ABCC11: variants seen among roughly 807,000 people sequenced by gnomAD.
ABCC11 encodes ATP-binding cassette sub-family C member 11.
ABCC11 carries 135 observed loss-of-function variants against 149.3 expected under a neutral mutation model. That is an observed-to-expected ratio of 0.90 (90% confidence interval 0.79 to 1.04). ABCC11 has a LOEUF of 1.04. ABCC11 is among the 50% of genes least tolerant of loss of function. ABCC11 has a pLI of 0.00. For missense variants in ABCC11, 1,680 were observed against 1,722.1 expected, an observed-to-expected ratio of 0.98 and a Z score of 0.43; for synonymous variants, 665 against 671.4, an observed-to-expected ratio of 0.99 and a Z score of 0.15.
chr16:48,230,865 G>A (rs183172183), intron 2 of ABCC11, among the ~76,000 whole-genome samples: 18 of 152,220 alleles, frequency 1.2e-4, no homozygotes, highest in Admixed American at 5.9e-4. Flanking sequence ...TTAGTTACCT[G>A]CAGAATGAGG....
intron 1 of ABCC11, 168 bp from the exon 2 acceptor site, chr16:48,232,107 CT>C: frequency 7.3e-7 from 1 of 1,361,888 alleles, no homozygotes; most frequent in Non-Finnish European, 9.5e-7. Flanking sequence ...TGCTTGATCC[CT>C]CTTTTTAAAC....
chr16:48,216,041 G>A, intron 7 of ABCC11, 73 bp downstream of exon 7: 1 of 1,480,832 alleles, frequency 6.8e-7, no homozygotes, highest in Non-Finnish European at 9.3e-7. Flanking sequence ...TTCTCACTCA[G>A]AGCTATCCCA....
Position 48,227,826 on chromosome 16 carries a change from G to A in ABCC11, c.375C>T (p.Ala125=), listed in dbSNP as rs765818586. 2 of 1,613,980 alleles carry A rather than the reference G, an allele frequency of 1.2e-6. No individual in the cohort carries two copies. Among genetic ancestry groups the A allele is most frequent in the Middle Eastern group, 1.6e-4 (1 of 6,080 alleles). Residue 125 remains alanine, a synonymous_variant, in exon 4 of 30, where the codon GCC becomes GCT. Transcript: ENST00000356608. ...NTIPPLSVHD[A]SDKNVQRLHR... ...TTCACCTTTGGACATTTTTGTCTGA[G>A]GCATCATGGACTGACAGTGGAGGGA... is the stretch of plus-strand genomic sequence containing the variant.
Position 48,175,281 on chromosome 16 carries a change from T to C in ABCC11, c.3675A>G (p.Pro1225=), listed in dbSNP as rs1270236080. ...ACCTGATGGTTCCTGAGAGCAGCAC[T>C]GGATCTTGAGGGATCACTGAGAGCT... ...RSKLSVIPQD[P]VLLSGTIRFN... is the part of the protein sequence containing the mutation. The change falls in exon 26 of 30, where the codon CCA becomes CCG. Residue 1225 remains proline (P), a synonymous_variant. Transcript: ENST00000356608. 8.7e-6 allele frequency: 14 copies of C among 1,613,674 alleles called. No individual in the cohort carries two copies. Among genetic ancestry groups the C allele is most frequent in the Non-Finnish European group, 1.1e-5 (13 of 1,179,596 alleles).
intron 1 of ABCC11, among the ~76,000 whole-genome samples, chr16:48,242,897 T>C (rs1373919322): frequency 6.7e-6 from 1 of 149,760 alleles, no homozygotes. Flanking sequence ...GGCCTGTCGT[T>C]GGGTGGTGGG....
intron 1 of ABCC11, among the ~76,000 whole-genome samples, chr16:48,246,720 G>A (rs963113739): frequency 6.6e-5 from 10 of 151,998 alleles, no homozygotes; most frequent in African/African-American, 2.2e-4. Context: ...GACTATAGGC[G>A]TGCACCACTA....
rs376339672 is a variant in ABCC11 at position 48,227,963 on chromosome 16, A to T, written c.238T>A (p.Phe80Ile). ...TTGTCCAGGGGCTGGGGGGCAGGAA[A>T]CCTAGTAGAGGGGCCACAAGGATAA... ...TMIPFRPKPR[F>I]PAPQPLDNAG... The change falls in exon 4 of 30, where the codon TTT becomes ATT. Residue 80 changes from phenylalanine (F) to isoleucine (I), a missense_variant and splice_region_variant. Transcript: ENST00000356608. 6.8e-5 allele frequency: 110 copies of T among 1,610,204 alleles called. No homozygotes were observed. The highest frequency in any genetic ancestry group is 8.7e-5 in the Non-Finnish European group (102 of 1,178,034).
At chr16:48,187,508 G>A in intron 20 of ABCC11, 81 bp from the exon 21 acceptor site, 1 of 1,241,450 alleles carries the variant, frequency 8.1e-7, no homozygotes, top group South Asian at 1.3e-5. Flanking sequence ...TGTTACCCTT[G>A]ACTCTAAAGA....
At chr16:48,235,909 G>A (rs539595105) in intron 1 of ABCC11, among the ~76,000 whole-genome samples, 2 of 152,280 alleles carry the variant, frequency 1.3e-5, no homozygotes, top group East Asian at 1.9e-4. Context: ...CCACTGGAGC[G>A]GGGTAACCTG....
At position 48,222,106 on chromosome 16, in the gene ABCC11, G is replaced by A. The variant is rs370329305; in HGVS notation, c.777+492C>T. 1.5e-3 allele frequency among the ~76,000 whole-genome samples: 227 copies of A among 147,362 alleles called. 2 individuals carry two copies. The highest frequency in any genetic ancestry group is 5.5e-3 in the African/African-American group (216 of 39,570). ...ATTTTTTTTTTTTTTTTGCAGGGTT[G>A]GAAGTAGAAATAGGGTCTTGCCATG... On this transcript the variant is annotated intron_variant, in intron 6 of 29. Coordinates refer to ENST00000356608, the MANE Select transcript of ABCC11 (RefSeq NM_001370497.1).
chr16:48,184,706 T>G, intron 22 of ABCC11, 80 bp from the exon 23 acceptor site: 1 of 1,425,850 alleles, frequency 7.0e-7, no homozygotes, highest in Non-Finnish European at 9.6e-7. Flanking sequence ...TACCGGCTGC[T>G]TCCTCCAGCA....
chr16:48,225,599 C>T (rs961851424), intron 4 of ABCC11, among the ~76,000 whole-genome samples: 5 of 151,992 alleles, frequency 3.3e-5, no homozygotes, highest in Middle Eastern at 3.2e-3. Flanking sequence ...GAATTCCAGC[C>T]GTTTGGCAAA....
intron 1 of ABCC11, chr16:48,244,639 C>A: frequency 7.5e-7 from 1 of 1,340,296 alleles, no homozygotes; most frequent in Non-Finnish European, 9.5e-7. Flanking sequence ...TGGCTGCCCC[C>A]GCGGCGGCGG....
intron 20 of ABCC11, among the ~76,000 whole-genome samples, chr16:48,187,872 C>G (rs949946438): frequency 6.6e-6 from 1 of 152,120 alleles, no homozygotes; most frequent in Non-Finnish European, 1.5e-5. Flanking sequence ...AGACTTGACT[C>G]TGGAGGCAGG....
intron 22 of ABCC11, among the ~76,000 whole-genome samples, chr16:48,186,512 CTTGTTTGT>C (rs1174675452): frequency 6.6e-6 from 1 of 152,142 alleles, no homozygotes; most frequent in Non-Finnish European, 1.5e-5. Context: ...GACTTGTTTG[CTTGTTTGT>C]TTCAACATTT....
rs187512841 is a variant in ABCC11 at position 48,198,124 on chromosome 16, A to T, written c.2217+17T>A. ...TGCGTCCACCGTGGGTAGTGAGGGC[A>T]GTGGGGCAGGACTCACCGAAGTGGC... On this transcript the variant is annotated intron_variant, in intron 16 of 29. Coordinates refer to ENST00000356608, the MANE Select transcript of ABCC11 (RefSeq NM_001370497.1). 2.0e-5 allele frequency: 32 copies of T among 1,614,204 alleles called. No individual in the cohort carries two copies. In the East Asian group the frequency reaches 6.9e-4, roughly 35 times the overall value.
chr16:48,204,927 G>A (rs753557315), intron 13 of ABCC11, among the ~76,000 whole-genome samples: 9 of 152,104 alleles, frequency 5.9e-5, no homozygotes, highest in South Asian at 2.1e-4. Context: ...GGAGATCCAC[G>A]GGGCCATAGA....
chr16:48,222,926 G>T, intron 5 of ABCC11, 95 bp from the exon 6 acceptor site: 1 of 1,070,900 alleles, frequency 9.3e-7, no homozygotes, highest in Non-Finnish European at 1.4e-6. Context: ...TCTGATTCAT[G>T]CTGGGGGTTT....
At chr16:48,175,550 G>A in intron 25 of ABCC11, 133 bp from the exon 26 acceptor site, 1 of 1,087,374 alleles carries the variant, frequency 9.2e-7, no homozygotes. Flanking sequence ...CCCTGAAGGG[G>A]TAGGAGAGGG....
Sources: allele counts gnomAD v4.1 joint callset (sites outside exome capture counted in the v4.1 genomes callset), GRCh38; gene constraint gnomAD v4.1.1; transcripts MANE v1.5; gene names NCBI Gene and HGNC (gene_info 2026-07-23, HGNC 2026-07-21).